SDK1: variants seen among roughly 807,000 people sequenced by gnomAD.
SDK1 encodes the protein protein sidekick-1.
A neutral mutation model predicts 245.5 loss-of-function variants in SDK1; 157 were observed. The observed-to-expected ratio is 0.64, with a 90% CI of 0.56 to 0.73. The LOEUF (loss-of-function observed/expected upper bound fraction) is 0.73, where lower values mean the gene tolerates loss of function less well. Among genes scored for constraint, SDK1 ranks in the 30% least tolerant of loss-of-function variants. The pLI, the probability that SDK1 is intolerant of heterozygous loss-of-function variation, is 0.00. For missense variants in SDK1, 3,583 were observed against 3,002.3 expected (o/e 1.19, Z -4.52); for synonymous variants, 1,647 against 1,278.5 (o/e 1.29, Z -6.15).
At chr7:4,204,358 T>C (rs986021065) in intron 35 of SDK1, among the ~76,000 whole-genome samples, 10 of 152,230 alleles carry the variant, frequency 6.6e-5, no homozygotes, top group Non-Finnish European at 5.9e-5. Flanking sequence ...ATAATGAGGC[T>C]GAGCATCTGT....
chr7:3,431,358 G>GTTTTTTT (rs34510123), intron 1 of SDK1, among the ~76,000 whole-genome samples: 2 of 118,364 alleles, frequency 1.7e-5, no homozygotes, highest in African/African-American at 3.4e-5. Context: ...AATGTGGGAG[G>GTTTTTTT]TTTTTTTTTT....
At chr7:3,929,652 G>A (rs1274417055) in intron 5 of SDK1, among the ~76,000 whole-genome samples, 2 of 152,166 alleles carry the variant, frequency 1.3e-5, no homozygotes, top group Non-Finnish European at 2.9e-5. Context: ...GAGGGTTGTA[G>A]GGATTTGGAG....
At chr7:4,197,882 G>A (rs761793889) in intron 35 of SDK1, among the ~76,000 whole-genome samples, 13 of 152,202 alleles carry the variant, frequency 8.5e-5, no homozygotes, top group Non-Finnish European at 1.8e-4. Context: ...ACAGATGCTT[G>A]CCACACGCAA....
chr7:4,093,458 CAAAAAA>C (rs71032922), intron 22 of SDK1, among the ~76,000 whole-genome samples: 11,399 of 77,938 alleles, frequency 0.15, 342 homozygotes, highest in African/African-American at 0.19. Context: ...AAATGGAAAG[CAAAAAA>C]AAAAAAAAAA....
chr7:4,171,371 C>T (rs986158324), intron 32 of SDK1, among the ~76,000 whole-genome samples: 2 of 152,150 alleles, frequency 1.3e-5, no homozygotes, highest in African/African-American at 4.8e-5. Flanking sequence ...CAAGCAGCGC[C>T]GGGGAGGGAG....
rs529749351 is a variant in SDK1 at position 3,605,659 on chromosome 7, T to G, written c.299-13421T>G. Among the ~76,000 whole-genome samples, 12 of 152,326 alleles carry G rather than the reference T, an allele frequency of 7.9e-5. No homozygotes were observed. In the South Asian group the frequency reaches 2.5e-3, roughly 32 times the overall value. ...TTTCCAGAGTAATTTTCACTATGTC[T>G]GATTACATAATTAGATTTGGGATAC... is the stretch of plus-strand genomic sequence containing the variant. On this transcript the variant is annotated intron_variant, in intron 1 of 44. Transcript: ENST00000404826.
At chr7:3,713,411 A>C (rs961655266) in intron 4 of SDK1, among the ~76,000 whole-genome samples, 1 of 152,192 alleles carries the variant, frequency 6.6e-6, no homozygotes, top group Non-Finnish European at 1.5e-5. Flanking sequence ...TCAAAAAAGA[A>C]AGGTGGAGAG....
At chr7:4,183,474 A>G (rs1042930302) in intron 35 of SDK1, among the ~76,000 whole-genome samples, 6 of 151,796 alleles carry the variant, frequency 4.0e-5, no homozygotes, top group African/African-American at 1.5e-4. Context: ...TCTCTACTAA[A>G]AATACAAAAA....
Position 4,017,307 on chromosome 7 carries a change from C to A in SDK1, c.2557C>A (p.Leu853Met). 6.2e-7 allele frequency: 1 copy of A among 1,613,854 alleles called. No individual in the cohort carries two copies. The highest frequency in any genetic ancestry group is 8.5e-7 in the Non-Finnish European group (1 of 1,179,870). The change falls in exon 17 of 45, where the codon CTG (leucine) becomes ATG (methionine). Residue 853 changes from leucine (L) to methionine (M), a missense_variant. By Grantham distance (15) the Leu-to-Met change is conservative. Coordinates refer to ENST00000404826, the MANE Select transcript of SDK1 (RefSeq NM_152744.4). The part of the protein sequence containing the change: ...IQVAAYNGAG[L>M]GVFSRAVTEY... Reference sequence around the variant, plus strand: ...GGTGGCGGCGTACAACGGGGCCGGTCTGGGCGTCTTCAGCAGGGCAGTGAC... The same window carrying A: ...GGTGGCGGCGTACAACGGGGCCGGTATGGGCGTCTTCAGCAGGGCAGTGAC...
At position 3,895,604 on chromosome 7, in the gene SDK1, T is replaced by C. The variant is rs148187280; in HGVS notation, c.848-55319T>C. Reference sequence around the variant, plus strand: ...ACTCACGGAAGGACCCATGCCCCCTTTCTCTTTCCACTCCGCTGTCCTGAG... The same window carrying C: ...ACTCACGGAAGGACCCATGCCCCCTCTCTCTTTCCACTCCGCTGTCCTGAG... On this transcript the variant is annotated intron_variant, in intron 5 of 44. Coordinates refer to ENST00000404826, the MANE Select transcript of SDK1 (RefSeq NM_152744.4). 3.4e-3 allele frequency among the ~76,000 whole-genome samples: 516 copies of C among 152,096 alleles called. 3 individuals carry two copies. The highest frequency in any genetic ancestry group is 7.1e-3 in the Admixed American group (108 of 15,282).
intron 1 of SDK1, among the ~76,000 whole-genome samples, chr7:3,310,543 C>G (rs58949619): frequency 6.6e-6 from 1 of 152,094 alleles, no homozygotes; most frequent in African/African-American, 2.4e-5. Flanking sequence ...TCAAAGGTGA[C>G]GTCCAGGTTT....
chr7:3,371,382 G>A (rs1202084454), intron 1 of SDK1, among the ~76,000 whole-genome samples: 5 of 152,128 alleles, frequency 3.3e-5, no homozygotes, highest in Admixed American at 6.5e-5. Context: ...GAATGACTTG[G>A]AGGACAGTGT....
intron 1 of SDK1, among the ~76,000 whole-genome samples, chr7:3,531,090 C>G (rs1326299985): frequency 6.6e-6 from 1 of 152,156 alleles, no homozygotes; most frequent in Non-Finnish European, 1.5e-5. Context: ...AAGAGTCTAA[C>G]AAGATTTGAC....
chr7:3,704,558 G>C (rs1345988007), intron 4 of SDK1, among the ~76,000 whole-genome samples: 1 of 152,008 alleles, frequency 6.6e-6, no homozygotes, highest in African/African-American at 2.4e-5. Flanking sequence ...TTACTGATTA[G>C]TTTGAGTTCC....
At position 4,127,410 on chromosome 7, in the gene SDK1, G is replaced by T; in HGVS notation, c.3853G>T (p.Ala1285Ser). The T allele has an allele frequency of 1.9e-6, 3 of 1,614,210 alleles. No individual in the cohort carries two copies. The highest frequency in any genetic ancestry group is 2.5e-6 in the Non-Finnish European group (3 of 1,180,028). ...TTCAGCCGCCCCTGAGAACGTGTCA[G>T]CCGAGGCTGTCAGCTCGACCCAGAT... The part of the protein sequence containing the change: ...VPSAAPENVS[A>S]EAVSSTQILL... Residue 1285 changes from alanine (A) to serine (S), a missense_variant, in exon 26 of 45, where the codon GCC becomes TCC. Ala to Ser is a moderately conservative substitution (Grantham distance 99). Coordinates refer to ENST00000404826, the MANE Select transcript of SDK1 (RefSeq NM_152744.4).
intron 34 of SDK1, 46 bp from the exon 35 acceptor site, chr7:4,178,439 A>G: frequency 7.2e-7 from 1 of 1,379,876 alleles, no homozygotes; most frequent in East Asian, 2.3e-5. Context: ...GAGAAAGAGA[A>G]GGTGGTCCTG....
At chr7:4,190,526 G>A (rs974154202) in intron 35 of SDK1, among the ~76,000 whole-genome samples, 9 of 152,202 alleles carry the variant, frequency 5.9e-5, no homozygotes, top group Non-Finnish European at 1.0e-4. Context: ...TGTTTCAGAC[G>A]TTCCCTTCAG....
intron 1 of SDK1, among the ~76,000 whole-genome samples, chr7:3,405,191 A>C (rs1422042569): frequency 2.6e-5 from 4 of 151,080 alleles, no homozygotes; most frequent in Non-Finnish European, 5.9e-5. Context: ...AACAAAAAAC[A>C]CTTTCCTTAA....
At chr7:3,676,808 G>C (rs1303290009) in intron 4 of SDK1, among the ~76,000 whole-genome samples, 2 of 152,152 alleles carry the variant, frequency 1.3e-5, no homozygotes, top group Non-Finnish European at 2.9e-5. Context: ...TGTTGACTTT[G>C]TTGATCAGAT....
Sources: allele counts gnomAD v4.1 joint callset (sites outside exome capture counted in the v4.1 genomes callset), GRCh38; gene constraint gnomAD v4.1.1; transcripts MANE v1.5; gene names NCBI Gene and HGNC (gene_info 2026-07-23, HGNC 2026-07-21).